Variants in LRRC4C observed in about 807,000 individuals in gnomAD.
LRRC4C encodes the protein leucine-rich repeat-containing protein 4C.
Under a neutral mutation model 33.6 loss-of-function variants are expected in LRRC4C, and 5 were observed. The observed-to-expected ratio is 0.15, with a 90% CI of 0.08 to 0.31. The LOEUF (loss-of-function observed/expected upper bound fraction) is 0.31, where lower values mean the gene tolerates loss of function less well. Among genes scored for constraint, LRRC4C ranks in the 10% least tolerant of loss-of-function variants. The pLI is 1.00. For synonymous variants in LRRC4C, 329 were observed against 302.0 expected (o/e 1.09, Z -0.93); for missense variants, 560 against 796.7 (o/e 0.70, Z 3.58).
intron 1 of LRRC4C, among the ~76,000 whole-genome samples, chr11:41,381,647 G>C (rs2939754): frequency 6.7e-6 from 1 of 149,448 alleles, no homozygotes; most frequent in Admixed American, 6.7e-5. Flanking sequence ...AAAGAAAAAA[G>C]AAAGATGGAA....
intron 1 of LRRC4C, among the ~76,000 whole-genome samples, chr11:40,979,006 C>A (rs973082133): frequency 2.6e-5 from 4 of 152,142 alleles, no homozygotes; most frequent in Non-Finnish European, 5.9e-5. Flanking sequence ...AAATACAATT[C>A]AATCCTTGAA....
intron 5 of LRRC4C, among the ~76,000 whole-genome samples, chr11:40,193,575 G>A (rs1862018653): frequency 6.6e-6 from 1 of 152,172 alleles, no homozygotes; most frequent in Non-Finnish European, 1.5e-5. Context: ...CTCCTCGCCA[G>A]CAAGGGAACA....
At chr11:40,450,984 A>G (rs1951856214) in intron 3 of LRRC4C, among the ~76,000 whole-genome samples, 3 of 152,082 alleles carry the variant, frequency 2.0e-5, no homozygotes, top group Non-Finnish European at 4.4e-5. Context: ...AATACAACAT[A>G]CCAAAACTTA....
intron 2 of LRRC4C, among the ~76,000 whole-genome samples, chr11:40,875,535 G>A (rs919467069): frequency 2.0e-5 from 3 of 151,966 alleles, no homozygotes; most frequent in African/African-American, 7.3e-5. Flanking sequence ...TTTAGACTTG[G>A]GTCTCATTCC....
Position 40,138,944 on chromosome 11 carries a change from T to G in LRRC4C, c.-43+1857A>C, listed in dbSNP as rs1317857690. 2.6e-5 allele frequency among the ~76,000 whole-genome samples: 4 copies of G among 152,212 alleles called. No homozygotes were observed. In the East Asian group the frequency reaches 7.7e-4, roughly 29 times the overall value. On this transcript the variant is annotated intron_variant, in intron 6 of 6. Coordinates refer to ENST00000528697, the MANE Select transcript of LRRC4C (RefSeq NM_001258419.2). ...CCAAGAGTTCCTTCTTACCAACATG[T>G]GCTATCTTAGTAAATTTCACTCCCA...
chr11:40,647,156 C>A (rs1312936771), intron 3 of LRRC4C, among the ~76,000 whole-genome samples: 1 of 152,160 alleles, frequency 6.6e-6, no homozygotes, highest in African/African-American at 2.4e-5. Flanking sequence ...GGACAGACAG[C>A]TGTTATAAAT....
intron 1 of LRRC4C, among the ~76,000 whole-genome samples, chr11:40,975,918 T>A (rs960142441): frequency 3.3e-5 from 5 of 152,208 alleles, no homozygotes. Context: ...CTACTGATAC[T>A]TCCACTAGAC....
Position 40,155,310 on chromosome 11 carries a change from A to C in LRRC4C, c.-95-14457T>G, listed in dbSNP as rs1332739739. ...TCACACCTCAAGAAACTAGAAAAAG[A>C]AGAACAAACAAAACCCAAACCCAAC... On this transcript the variant is annotated intron_variant, in intron 5 of 6. Coordinates refer to ENST00000528697, the MANE Select transcript of LRRC4C (RefSeq NM_001258419.2). 3.9e-5 allele frequency among the ~76,000 whole-genome samples: 6 copies of C among 152,100 alleles called. No homozygotes were observed. In the East Asian group the frequency reaches 1.2e-3, roughly 29 times the overall value.
In LRRC4C at chr11:40,861,918, A is replaced by C. The variant is rs75227836; in HGVS notation, c.-407+71717T>G. The stretch of plus-strand genomic sequence containing the variant: ...TAACTCATTACAATGGGGAGGAGCC[A>C]AGCCATTCATGAGGGCTCTGGTCCT... On this transcript the variant is annotated intron_variant, in intron 2 of 6. Transcript: ENST00000528697. Among the ~76,000 whole-genome samples the C allele has an allele frequency of 9.4e-3, 1,434 of 152,292 alleles. 15 individuals carry two copies. Among genetic ancestry groups the C allele is most frequent in the Non-Finnish European group, 0.016 (1,064 of 68,006 alleles).
chr11:40,660,115 A>C, intron 2 of LRRC4C, among the ~76,000 whole-genome samples: 1 of 152,200 alleles, frequency 6.6e-6, no homozygotes, highest in East Asian at 1.9e-4. Flanking sequence ...CCTGCAGTGG[A>C]AGCTGCTTTT....
chr11:40,974,957 A>G (rs980575316), intron 1 of LRRC4C, among the ~76,000 whole-genome samples: 4 of 152,082 alleles, frequency 2.6e-5, no homozygotes, highest in African/African-American at 9.7e-5. Context: ...GAATTACAAC[A>G]TCAGCTTTTC....
chr11:41,305,897 C>A (rs112185828), intron 1 of LRRC4C, among the ~76,000 whole-genome samples: 2 of 93,738 alleles, frequency 2.1e-5, no homozygotes, highest in Admixed American at 1.4e-4. Context: ...CAAGAATTAT[C>A]AATAAAAAAA....
chr11:40,507,128 C>A (rs1955071893), intron 3 of LRRC4C, among the ~76,000 whole-genome samples: 1 of 151,940 alleles, frequency 6.6e-6, no homozygotes, highest in African/African-American at 2.4e-5. Context: ...ATAGGCATAA[C>A]AGAAAAACCA....
chr11:40,894,596 A>T (rs1342129597), intron 2 of LRRC4C, among the ~76,000 whole-genome samples: 2 of 152,156 alleles, frequency 1.3e-5, no homozygotes, highest in Non-Finnish European at 2.9e-5. Context: ...TCTGCATCCC[A>T]GCATTTCAGT....
At chr11:40,594,242 T>C (rs1287605444) in intron 3 of LRRC4C, among the ~76,000 whole-genome samples, 1 of 152,226 alleles carries the variant, frequency 6.6e-6, no homozygotes, top group East Asian at 1.9e-4. Flanking sequence ...GTTGACCCCT[T>C]GCAGTGTGCC....
At chr11:41,296,527 C>T (rs774215396) in intron 1 of LRRC4C, among the ~76,000 whole-genome samples, 2 of 151,986 alleles carry the variant, frequency 1.3e-5, no homozygotes, top group African/African-American at 4.8e-5. Flanking sequence ...GTTGACCGGA[C>T]CGGTCTTGAA....
chr11:41,230,080 T>C (rs1947716392), intron 1 of LRRC4C, among the ~76,000 whole-genome samples: 1 of 152,130 alleles, frequency 6.6e-6, no homozygotes, highest in Admixed American at 6.6e-5. Context: ...AAAAGTTGTT[T>C]TCTCTTTCTC....
At chr11:41,000,314 A>T (rs1854285358) in intron 1 of LRRC4C, among the ~76,000 whole-genome samples, 1 of 152,184 alleles carries the variant, frequency 6.6e-6, no homozygotes, top group African/African-American at 2.4e-5. Flanking sequence ...AAAGGCTTAC[A>T]GGAAGGGAGA....
intron 1 of LRRC4C, among the ~76,000 whole-genome samples, chr11:41,230,828 A>T: frequency 6.6e-6 from 1 of 151,292 alleles, no homozygotes; most frequent in East Asian, 2.0e-4. Flanking sequence ...CAACCTACAG[A>T]ATGGGAGAAA....
Sources: allele counts gnomAD v4.1 joint callset (sites outside exome capture counted in the v4.1 genomes callset), GRCh38; gene constraint gnomAD v4.1.1; transcripts MANE v1.5; gene names NCBI Gene and HGNC (gene_info 2026-07-23, HGNC 2026-07-21).